KMT2E: variants seen among roughly 807,000 people sequenced by gnomAD.
The protein encoded by KMT2E is histone reader KMT2E.
KMT2E carries 30 observed loss-of-function variants against 184.6 expected under a neutral mutation model. The ratio of observed to expected loss-of-function variants is 0.16; its 90% CI spans 0.12 to 0.22. The LOEUF (loss-of-function observed/expected upper bound fraction) is 0.22, where lower values mean the gene tolerates loss of function less well. Ranked by LOEUF, KMT2E falls within the 10% of genes least tolerant of loss-of-function variation. The pLI is 1.00. For missense variants in KMT2E, 2,023 were observed against 2,237.4 expected, an observed-to-expected ratio of 0.90 and a Z score of 1.93; for synonymous variants, 815 against 776.5, an observed-to-expected ratio of 1.05 and a Z score of -0.82.
chr7:105,066,543 CT>C (rs1797034037), intron 5 of KMT2E, among the ~76,000 whole-genome samples, 183 bp from the exon 6 acceptor site: 1 of 152,086 alleles, frequency 6.6e-6, no homozygotes. Flanking sequence ...TATTTATCCT[CT>C]TGCTTTTGCA....
At chr7:105,038,699 C>T (rs1232733192) in intron 2 of KMT2E, among the ~76,000 whole-genome samples, 1 of 152,034 alleles carries the variant, frequency 6.6e-6, no homozygotes, top group African/African-American at 2.4e-5. Flanking sequence ...TGTTAAAGGT[C>T]ACATCTTTTC....
chr7:105,106,488 T>C, intron 19 of KMT2E, 34 bp from the exon 20 acceptor site: 1 of 1,548,244 alleles, frequency 6.5e-7, no homozygotes, highest in South Asian at 1.1e-5. Flanking sequence ...ATAGCAACAG[T>C]GTAATTTCTT....
intron 1 of KMT2E, among the ~76,000 whole-genome samples, chr7:105,028,355 A>T (rs1357891575): frequency 1.3e-5 from 2 of 152,096 alleles, no homozygotes; most frequent in East Asian, 3.9e-4. Context: ...TTCTTTGGAG[A>T]CTGGGTTTCC....
chr7:105,030,778 T>G (rs1005776903), intron 1 of KMT2E, among the ~76,000 whole-genome samples: 1 of 152,330 alleles, frequency 6.6e-6, no homozygotes, highest in South Asian at 2.1e-4. Flanking sequence ...GTTGTGGATC[T>G]ATGTTTGGGA....
chr7:105,112,026 T>C lies in KMT2E; in HGVS notation c.4270T>C (p.Ser1424Pro), dbSNP rs35605511. The C allele has an allele frequency of 8.5e-4, 1,367 of 1,614,158 alleles. 13 individuals carry two copies. The African/African-American group carries it at 0.016, about 19-fold the overall frequency. Residue 1424 changes from serine to proline, a missense_variant, in exon 27 of 27, where the codon TCA becomes CCA. Ser to Pro is a moderately conservative substitution (Grantham distance 74). This residue lies in a region of KMT2E where 1,108 missense variants were observed against 1,050.9 expected (regional missense o/e 1.05). Coordinates refer to ENST00000311117, the MANE Select transcript of KMT2E (RefSeq NM_182931.3). ...NHPPQTHVRN[S>P]SEQLSQKLPS... Reference sequence around the variant, plus strand: ...TCCTCCTCAGACACACGTTCGTAATTCATCTGAGCAACTTTCACAAAAGCT... The same window carrying C: ...TCCTCCTCAGACACACGTTCGTAATCCATCTGAGCAACTTTCACAAAAGCT...
intron 3 of KMT2E, among the ~76,000 whole-genome samples, chr7:105,055,670 G>C (rs1049350140): frequency 1.7e-4 from 26 of 152,226 alleles, no homozygotes; most frequent in African/African-American, 6.3e-4. Flanking sequence ...ATCATGCTTA[G>C]AGAAACGTGC....
At chr7:105,036,804 T>C (rs1199060771) in intron 1 of KMT2E, among the ~76,000 whole-genome samples, 1 of 152,248 alleles carries the variant, frequency 6.6e-6, no homozygotes, top group Non-Finnish European at 1.5e-5. Flanking sequence ...TTATATTTTA[T>C]AGTTTTTTAG....
chr7:105,059,978 G>GTGTTTTTTTT (rs1796734522), intron 3 of KMT2E, among the ~76,000 whole-genome samples: 1 of 51,764 alleles, frequency 1.9e-5, no homozygotes, highest in Non-Finnish European at 4.0e-5. Flanking sequence ...TCTTGTTGTT[G>GTGTTTTTTTT]TTTTTTTTTT....
In KMT2E at chr7:105,110,165, G is replaced by A. The variant is rs569440530; in HGVS notation, c.3756-115G>A. On this transcript the variant is annotated intron_variant, in intron 23 of 26. Transcript: ENST00000311117. Reference sequence around the variant, plus strand: ...ACTATTTTCAAAGGTTAACACCAAAGTATTTTCCCAGTAGATCAAAAGCCT... The same window carrying A: ...ACTATTTTCAAAGGTTAACACCAAAATATTTTCCCAGTAGATCAAAAGCCT... 7.2e-6 allele frequency: 6 copies of A among 830,808 alleles called. No individual in the cohort carries two copies. The East Asian group carries it at 1.3e-4, about 18-fold the overall frequency. The allele number at this position is 830,808 out of a possible 1,614,324, so 51.5% of individuals were successfully genotyped here.
chr7:105,054,182 C>G (rs1215782286), intron 3 of KMT2E, among the ~76,000 whole-genome samples: 2 of 151,366 alleles, frequency 1.3e-5, no homozygotes, highest in African/African-American at 4.9e-5. Context: ...AAAAAAAAGG[C>G]TGCGAAATTT....
Position 105,101,867 on chromosome 7 carries a change from C to T in KMT2E, c.1888-19C>T, listed in dbSNP as rs1023648107. On this transcript the variant is annotated intron_variant, in intron 16 of 26. Transcript: ENST00000311117. ...TATATGTAGTATAAAAACTTCCATT[C>T]GCTTGTATTTTGAATTAGGAACAAG... 1.5e-5 allele frequency: 24 copies of T among 1,571,068 alleles called. No homozygotes were observed. Among genetic ancestry groups the T allele is most frequent in the East Asian group, 4.5e-5 (2 of 44,326 alleles).
intron 5 of KMT2E, among the ~76,000 whole-genome samples, chr7:105,065,274 G>C (rs1038199149): frequency 1.3e-5 from 2 of 152,026 alleles, no homozygotes; most frequent in Non-Finnish European, 2.9e-5. Context: ...TTCTAGCTTT[G>C]TTTCTTCTGT....
intron 3 of KMT2E, among the ~76,000 whole-genome samples, chr7:105,044,062 C>T (rs1406933127): frequency 5.3e-5 from 8 of 152,168 alleles, no homozygotes; most frequent in African/African-American, 1.9e-4. Context: ...CGCACCACTG[C>T]GTTCCAGCCT....
At chr7:105,033,211 C>A (rs1795497468) in intron 1 of KMT2E, among the ~76,000 whole-genome samples, 1 of 152,122 alleles carries the variant, frequency 6.6e-6, no homozygotes. Flanking sequence ...ATGTTACAAT[C>A]AAAAAGGATG....
At chr7:105,058,341 T>TTAA (rs1796656721) in intron 3 of KMT2E, among the ~76,000 whole-genome samples, 2 of 152,230 alleles carry the variant, frequency 1.3e-5, no homozygotes, top group African/African-American at 4.8e-5. Flanking sequence ...AATGATGATA[T>TTAA]TAATGATCAA....
At chr7:105,107,122 A>T in intron 20 of KMT2E, 44 bp from the exon 21 acceptor site, 1 of 994,060 alleles carries the variant, frequency 1.0e-6, no homozygotes, top group Non-Finnish European at 1.5e-6. Context: ...GGATATACTT[A>T]CGTATTTTTA....
At chr7:105,049,307 T>C (rs910533387) in intron 3 of KMT2E, among the ~76,000 whole-genome samples, 18 of 151,906 alleles carry the variant, frequency 1.2e-4, no homozygotes, top group African/African-American at 4.1e-4. Flanking sequence ...GTTAGCCAAG[T>C]GTGGTTGCTT....
intron 1 of KMT2E, among the ~76,000 whole-genome samples, chr7:105,030,422 A>G (rs1795361144): frequency 6.6e-6 from 1 of 152,260 alleles, no homozygotes; most frequent in East Asian, 1.9e-4. Context: ...GGATATGCCA[A>G]CAATAGCAAA....
At chr7:105,084,201 T>G (rs1400910881) in intron 13 of KMT2E, among the ~76,000 whole-genome samples, 1 of 152,186 alleles carries the variant, frequency 6.6e-6, no homozygotes, top group Non-Finnish European at 1.5e-5. Context: ...GAACTACAAC[T>G]GCACACCTCA....
Sources: allele counts gnomAD v4.1 joint callset (sites outside exome capture counted in the v4.1 genomes callset), GRCh38; gene constraint gnomAD v4.1.1; regional missense constraint gnomAD v4.1.1; transcripts MANE v1.5; gene names NCBI Gene and HGNC (gene_info 2026-07-23, HGNC 2026-07-21).